XIRP2: variants seen among roughly 807,000 people sequenced by gnomAD.
The protein encoded by XIRP2 is xin actin-binding repeat-containing protein 2.
A neutral mutation model predicts 277.0 loss-of-function variants in XIRP2; 236 were observed. The ratio of observed to expected loss-of-function variants is 0.85; its 90% CI spans 0.77 to 0.95. XIRP2 has a LOEUF of 0.95. Ranked by LOEUF, XIRP2 falls within the 40% of genes least tolerant of loss-of-function variation. The pLI, the probability that XIRP2 is intolerant of heterozygous loss-of-function variation, is 0.00. For missense variants in XIRP2, 4,640 were observed against 4,157.5 expected (o/e 1.12, Z -3.19); for synonymous variants, 1,490 against 1,416.5 (o/e 1.05, Z -1.17).
At chr2:166,945,903 G>A (rs976155775) in intron 2 of XIRP2, among the ~76,000 whole-genome samples, 4 of 151,812 alleles carry the variant, frequency 2.6e-5, no homozygotes, top group East Asian at 1.9e-4. Flanking sequence ...GGCTGGTCTC[G>A]AACTCCTGTC....
chr2:166,966,880 G>A (rs1053839175), intron 2 of XIRP2, among the ~76,000 whole-genome samples: 4 of 151,948 alleles, frequency 2.6e-5, no homozygotes, highest in African/African-American at 4.8e-5. Context: ...AAAATGTAGT[G>A]CTTGGACAAG....
intron 2 of XIRP2, among the ~76,000 whole-genome samples, chr2:166,983,956 C>T (rs1486379252): frequency 6.6e-6 from 1 of 152,080 alleles, no homozygotes; most frequent in Non-Finnish European, 1.5e-5. Context: ...TTCCTTCAAC[C>T]AGTATTTAAA....
intron 2 of XIRP2, among the ~76,000 whole-genome samples, chr2:166,934,211 A>G (rs890866039): frequency 6.8e-6 from 1 of 146,712 alleles, no homozygotes; most frequent in Non-Finnish European, 1.5e-5. Flanking sequence ...AAAAAAAAAA[A>G]AAACAAAACT....
At chr2:167,218,651 A>G (rs914251194) in intron 5 of XIRP2, among the ~76,000 whole-genome samples, 1 of 152,198 alleles carries the variant, frequency 6.6e-6, no homozygotes, top group Admixed American at 6.5e-5. Flanking sequence ...TATAATTCAT[A>G]ATAAACTAGC....
chr2:166,998,687 A>G (rs1687288671), intron 2 of XIRP2, among the ~76,000 whole-genome samples: 1 of 152,182 alleles, frequency 6.6e-6, no homozygotes, highest in Non-Finnish European at 1.5e-5. Context: ...GTGAATGGTC[A>G]TAACCTATGA....
At chr2:166,963,121 A>G (rs1048809622) in intron 2 of XIRP2, among the ~76,000 whole-genome samples, 6 of 151,784 alleles carry the variant, frequency 4.0e-5, no homozygotes, top group African/African-American at 1.4e-4. Flanking sequence ...CATCTCATGA[A>G]TATGTACAAC....
In XIRP2 at chr2:166,939,628, C is replaced by T. The variant is rs113878905; in HGVS notation, c.408+35738C>T. On this transcript the variant is annotated intron_variant, in intron 2 of 10. Coordinates refer to ENST00000409195, the MANE Select transcript of XIRP2 (RefSeq NM_152381.6). ...CCAGGAGGTGGAGCTTTCAGTGAGC[C>T]GAGATCACGCCACTGCACTCTGGCC... Among the ~76,000 whole-genome samples the T allele has an allele frequency of 4.2e-3, 562 of 134,722 alleles. 4 individuals are homozygous for T. Among genetic ancestry groups the T allele is most frequent in the African/African-American group, 0.015 (517 of 34,266 alleles). The allele number at this position is 134,722 out of a possible 152,430, so 88.4% of individuals were successfully genotyped here.
chr2:166,958,216 T>C (rs1034080321), intron 2 of XIRP2, among the ~76,000 whole-genome samples: 1 of 151,900 alleles, frequency 6.6e-6, no homozygotes, highest in Non-Finnish European at 1.5e-5. Flanking sequence ...GCTAGGCGCA[T>C]GCCCAACAGT....
intron 2 of XIRP2, among the ~76,000 whole-genome samples, chr2:166,916,178 A>G (rs1057332258): frequency 6.6e-6 from 1 of 152,206 alleles, no homozygotes; most frequent in Non-Finnish European, 1.5e-5. Context: ...GTTCTGCATA[A>G]TATCAGGCAT....
intron 1 of XIRP2, among the ~76,000 whole-genome samples, chr2:166,894,075 G>T (rs1350256623): frequency 6.6e-6 from 1 of 151,990 alleles, no homozygotes; most frequent in Non-Finnish European, 1.5e-5. Context: ...CAAAATTGTG[G>T]TCATTCTTTT....
At position 167,245,335 on chromosome 2, in the gene XIRP2, C is replaced by T; in HGVS notation, c.3943C>T (p.Leu1315Phe). ...IQGDVKSYRM[L>F]FETQPLYAIQ... ...GGGTGATGTAAAAAGCTACAGAATG[C>T]TCTTTGAAACCCAGCCACTCTATGC... is the stretch of plus-strand genomic sequence containing the variant. Residue 1315 changes from leucine to phenylalanine, a missense_variant, in exon 9 of 11, where the codon CTC becomes TTC. By Grantham distance (22) the Leu-to-Phe change is conservative (BLOSUM62 0). Transcript: ENST00000409195. The T allele has an allele frequency of 1.2e-6, 2 of 1,613,628 alleles. No individual in the cohort carries two copies. Among genetic ancestry groups the T allele is most frequent in the South Asian group, 1.1e-5 (1 of 91,060 alleles).
chr2:167,022,594 C>T (rs995323588), intron 2 of XIRP2, among the ~76,000 whole-genome samples: 2 of 151,450 alleles, frequency 1.3e-5, no homozygotes, highest in Non-Finnish European at 2.9e-5. Context: ...TGCTATCCCT[C>T]CCCCCTACCC....
intron 2 of XIRP2, among the ~76,000 whole-genome samples, chr2:166,998,527 C>T (rs779044691): frequency 2.6e-5 from 4 of 152,040 alleles, no homozygotes; most frequent in Non-Finnish European, 5.9e-5. Flanking sequence ...GTCCCAGCTA[C>T]TCGGGAGGCT....
intron 2 of XIRP2, among the ~76,000 whole-genome samples, chr2:166,922,509 AT>A (rs564437553): frequency 1.3e-5 from 2 of 150,548 alleles, no homozygotes; most frequent in South Asian, 4.2e-4. Flanking sequence ...AAGTTAAAAG[AT>A]TTTTTTTTTG....
At chr2:166,960,644 T>A (rs1265325430) in intron 2 of XIRP2, among the ~76,000 whole-genome samples, 1 of 151,808 alleles carries the variant, frequency 6.6e-6, no homozygotes, top group Non-Finnish European at 1.5e-5. Context: ...AAACTTAGTA[T>A]GGGATCATAG....
At chr2:167,084,805 T>C (rs1346665191) in intron 2 of XIRP2, among the ~76,000 whole-genome samples, 1 of 150,798 alleles carries the variant, frequency 6.6e-6, no homozygotes, top group East Asian at 2.0e-4. Context: ...TATCATTTTT[T>C]ATTGTGTCTA....
intron 3 of XIRP2, among the ~76,000 whole-genome samples, chr2:167,160,106 G>T (rs994929377): frequency 3.9e-5 from 6 of 152,202 alleles, no homozygotes; most frequent in African/African-American, 1.2e-4. Context: ...GCCTGGCCCT[G>T]AAGTTCATCT....
At chr2:167,029,564 T>C (rs1002178145) in intron 2 of XIRP2, among the ~76,000 whole-genome samples, 7 of 152,078 alleles carry the variant, frequency 4.6e-5, no homozygotes, top group Non-Finnish European at 8.8e-5. Context: ...GCTGACTTGA[T>C]TGTGGTGGAT....
intron 3 of XIRP2, among the ~76,000 whole-genome samples, chr2:167,193,357 A>G (rs1480149216): frequency 6.6e-6 from 1 of 152,126 alleles, no homozygotes; most frequent in Non-Finnish European, 1.5e-5. Flanking sequence ...CATTTCTTTC[A>G]GTTATCCTCA....
Sources: allele counts gnomAD v4.1 joint callset (sites outside exome capture counted in the v4.1 genomes callset), GRCh38; gene constraint gnomAD v4.1.1; transcripts MANE v1.5; gene names NCBI Gene and HGNC (gene_info 2026-07-23, HGNC 2026-07-21).